Variants in ZNF557 observed in about 807,000 individuals in gnomAD.
ZNF557 encodes the protein zinc finger protein 557.
In ZNF557, 19 loss-of-function variants were observed where a neutral mutation model predicts 21.2. The observed-to-expected ratio is 0.90, with a 90% CI of 0.63 to 1.32. The LOEUF (loss-of-function observed/expected upper bound fraction) is 1.32, where lower values mean the gene tolerates loss of function less well. Ranked by LOEUF, ZNF557 falls within the 40% of genes most tolerant of loss-of-function variation. The pLI, the probability that ZNF557 is intolerant of heterozygous loss-of-function variation, is 0.00. For missense variants in ZNF557, 487 were observed against 519.8 expected (o/e 0.94, Z 0.61); for synonymous variants, 207 against 194.8 (o/e 1.06, Z -0.52).
chr19:7,069,748 G>A lies in ZNF557; in HGVS notation c.-197G>A, dbSNP rs1008912003. 4 of 152,272 alleles carry A rather than the reference G, an allele frequency of 2.6e-5. No homozygotes were observed. The highest frequency in any genetic ancestry group is 5.9e-5 in the Non-Finnish European group (4 of 68,056). 9.4% of individuals were successfully genotyped at this position (152,272 alleles called of 1,614,324 possible). On this transcript the variant is annotated 5_prime_UTR_variant, in exon 1 of 8. Transcript: ENST00000252840. ...CTTGCAGCGTCTGGGAGAATCTTTC[G>A]GTCTCCGCGAGAGGTGCTTCATTCC...
rs891600189 is a variant in ZNF557 at position 7,085,244 on chromosome 19, CTTA to C, written c.*1503_*1505del. On this transcript the variant is annotated 3_prime_UTR_variant, in exon 8 of 8. Coordinates refer to ENST00000252840, the MANE Select transcript of ZNF557 (RefSeq NM_024341.3). ...CTGTAGTGCAGTGGTGCAATCTTGG[CTTA>C]TTGTAACCTCTGCCTCCCAGGCTTA... is the stretch of plus-strand genomic sequence containing the variant. The C allele has an allele frequency of 3.9e-5, 6 of 152,138 alleles. No individual in the cohort carries two copies. Among genetic ancestry groups the C allele is most frequent in the African/African-American group, 1.4e-4 (6 of 41,408 alleles). The allele number at this position is 152,138 out of a possible 1,614,324, so 9.4% of individuals were successfully genotyped here.
At chr19:7,071,372 C>T (rs1413210074) in intron 2 of ZNF557, among the ~76,000 whole-genome samples, 2 of 152,164 alleles carry the variant, frequency 1.3e-5, no homozygotes, top group South Asian at 4.1e-4. Context: ...TTAAATTCAG[C>T]TTCTCAGTCG....
chr19:7,080,147 C>CA (rs1977669016), intron 5 of ZNF557, among the ~76,000 whole-genome samples: 1 of 151,972 alleles, frequency 6.6e-6, no homozygotes, highest in Non-Finnish European at 1.5e-5. Context: ...ACTAAAAATA[C>CA]AAAAAAATCA....
rs145577211 is a variant in ZNF557 at position 7,081,130 on chromosome 19, A to G, written c.248-230A>G. 4.2e-4 allele frequency among the ~76,000 whole-genome samples: 62 copies of G among 147,874 alleles called. 1 individual carries two copies. The East Asian group carries it at 9.3e-3, about 22-fold the overall frequency. ...TCCTGGGACCAGTTATCCTGCAACC[A>G]CCCTAGATATTGCTTGTGGGGTGTG... is the stretch of plus-strand genomic sequence containing the variant. On this transcript the variant is annotated intron_variant, in intron 5 of 7. Transcript: ENST00000252840.
In ZNF557 at chr19:7,083,874, C is replaced by A; in HGVS notation, c.*130C>A. 1.7e-6 allele frequency: 2 copies of A among 1,163,660 alleles called. No individual in the cohort carries two copies. Among genetic ancestry groups the A allele is most frequent in the Non-Finnish European group, 2.4e-6 (2 of 824,444 alleles). The allele number at this position is 1,163,660 out of a possible 1,614,324, so 72.1% of individuals were successfully genotyped here. A position where few individuals can be genotyped will look rare whatever the true frequency, so the allele number is the denominator to read the frequency against. ...CCCCCCAAAATTTTGTGGCTTCAAA[C>A]AAAAACACTTGTTATCTCAAAATTT... On this transcript the variant is annotated 3_prime_UTR_variant, in exon 8 of 8. Transcript: ENST00000252840.
At chr19:7,073,604 A>G (rs2967662) in intron 2 of ZNF557, among the ~76,000 whole-genome samples, 130,802 of 151,956 alleles carry the variant, frequency 0.86, 56,384 homozygotes, top group Middle Eastern at 0.89. Flanking sequence ...CTTGGCAGCT[A>G]TATTAACTGG....
At chr19:7,069,847 G>A (rs1410468160) in intron 1 of ZNF557, 74 bp downstream of exon 1, 1 of 152,298 alleles carries the variant, frequency 6.6e-6, no homozygotes, top group East Asian at 1.9e-4. Context: ...CCGCCCCTGA[G>A]GCCTCGGGCT....
rs769459680 is a variant in ZNF557, at chr19:7,081,490, A to G, written c.343+35A>G. 11 of 1,433,228 alleles carry G rather than the reference A, an allele frequency of 7.7e-6. 1 individual carries two copies. In the Admixed American group the frequency reaches 1.9e-4, roughly 25 times the overall value. The allele number at this position is 1,433,228 out of a possible 1,614,324, so 88.8% of individuals were successfully genotyped here. A position where few individuals can be genotyped will look rare whatever the true frequency, so the allele number is the denominator to read the frequency against. ...AGGTGGATATAAGTCCTTGTGAGGA[A>G]CAGCTCTGGCCAGGGACTGAGAAGT... On this transcript the variant is annotated intron_variant, in intron 6 of 7. Transcript: ENST00000252840.
intron 2 of ZNF557, among the ~76,000 whole-genome samples, chr19:7,072,009 G>A (rs1371871907): frequency 2.0e-5 from 3 of 151,040 alleles, no homozygotes; most frequent in African/African-American, 7.3e-5. Flanking sequence ...CCAGCTACTC[G>A]GGAGGCTGAG....
Position 7,083,844 on chromosome 19 carries a change from A to G in ZNF557, c.*100A>G, listed in dbSNP as rs1977777161. On this transcript the variant is annotated 3_prime_UTR_variant, in exon 8 of 8. Transcript: ENST00000252840. ...ATGAATCACCTGCTACTGTGTAACAAATTACCCCCCAAAATTTTGTGGCTT... is the reference window on the plus strand; with the variant it reads ...ATGAATCACCTGCTACTGTGTAACAGATTACCCCCCAAAATTTTGTGGCTT... 3.5e-6 allele frequency: 5 copies of G among 1,449,100 alleles called. No individual in the cohort carries two copies. Among genetic ancestry groups the G allele is most frequent in the Non-Finnish European group, 3.7e-6 (4 of 1,076,284 alleles). The allele number at this position is 1,449,100 out of a possible 1,614,324, so 89.8% of individuals were successfully genotyped here.
At chr19:7,079,488 C>T (rs1977657815) in intron 5 of ZNF557, among the ~76,000 whole-genome samples, 1 of 152,116 alleles carries the variant, frequency 6.6e-6, no homozygotes, top group Non-Finnish European at 1.5e-5. Context: ...GATCCGCCCA[C>T]CTTGGCCTCC....
chr19:7,081,574 TCCCAAGAAGGCCAAGAACG>T, intron 6 of ZNF557, 119 bp downstream of exon 6: 1 of 716,250 alleles, frequency 1.4e-6, no homozygotes, highest in Non-Finnish European at 2.3e-6. Flanking sequence ...ATGCCCCTTT[TCCCAAGAAGGCCAAGAACG>T]TTTGGTCTGA....
rs1977759940 is a variant in ZNF557 at position 7,083,315 on chromosome 19, G to A, written c.864G>A (p.Gly288=). Residue 288 remains glycine (G), a synonymous_variant, in exon 8 of 8, where the codon GGG becomes GGA. Coordinates refer to ENST00000252840, the MANE Select transcript of ZNF557 (RefSeq NM_024341.3). ...CAAGGCACAAGAGAGTTCATACGGG[G>A]GAGGGTCATTATGTATGTAATCAGT... The part of the protein sequence containing the change: ...IFTRHKRVHT[G]EGHYVCNQCG... 15 of 1,614,082 alleles carry A rather than the reference G, an allele frequency of 9.3e-6. No homozygotes were observed. The highest frequency in any genetic ancestry group is 4.0e-5 in the African/African-American group (3 of 74,924).
At chr19:7,073,414 C>T (rs112332133) in intron 2 of ZNF557, among the ~76,000 whole-genome samples, 18,192 of 152,138 alleles carry the variant, frequency 0.12, 1,251 homozygotes, top group Non-Finnish European at 0.16. Context: ...CCTCGGCCTC[C>T]CAAAGTGCTG....
chr19:7,081,184 TGTGTGTGTGTGTGTGTGA>T (rs1358339668), intron 5 of ZNF557, among the ~76,000 whole-genome samples, 158 bp from the exon 6 acceptor site: 617 of 51,764 alleles, frequency 0.012, 8 homozygotes, highest in African/African-American at 0.028. Context: ...TGTGTGTGTG[TGTGTGTGTGTGTGTGTGA>T]GTGTTTAAGA....
intron 2 of ZNF557, among the ~76,000 whole-genome samples, chr19:7,074,257 C>T (rs1246500271): frequency 1.3e-5 from 2 of 151,738 alleles, no homozygotes; most frequent in African/African-American, 4.8e-5. Context: ...CCGCCCGCCT[C>T]GGCCTCCCAA....
Position 7,087,684 on chromosome 19 carries a change from AAG to A in ZNF557, c.*3957_*3958del, listed in dbSNP as rs372021312. On this transcript the variant is annotated 3_prime_UTR_variant, in exon 8 of 8. Coordinates refer to ENST00000252840, the MANE Select transcript of ZNF557 (RefSeq NM_024341.3). The stretch of plus-strand genomic sequence containing the variant: ...AGTAACCACTAATTGGTTAAAACCA[AAG>A]AGAGAGAGAGAGAGAGTGTGTGTGT... The A allele has an allele frequency of 8.1e-4, 121 of 149,562 alleles. No homozygotes were observed. The highest frequency in any genetic ancestry group is 9.8e-4 in the Non-Finnish European group (66 of 67,220). The allele number at this position is 149,562 out of a possible 1,614,324, so 9.3% of individuals were successfully genotyped here.
At position 7,081,955 on chromosome 19, in the gene ZNF557, T is replaced by C. The variant is rs753134771; in HGVS notation, c.344-15T>C. 51 of 1,605,910 alleles carry C rather than the reference T, an allele frequency of 3.2e-5. No homozygotes were observed. The East Asian group carries it at 1.1e-3, about 36-fold the overall frequency. On this transcript the variant is annotated splice_polypyrimidine_tract_variant and intron_variant, in intron 6 of 7. Coordinates refer to ENST00000252840, the MANE Select transcript of ZNF557 (RefSeq NM_024341.3). Reference sequence around the variant, plus strand: ...TCTTTTCTATCAACTTAAATTTCTTTTTAACTTGTTTCAGATGTGGAGAAT... The same window carrying C: ...TCTTTTCTATCAACTTAAATTTCTTCTTAACTTGTTTCAGATGTGGAGAAT...
chr19:7,072,613 C>A (rs1392818243), intron 2 of ZNF557, among the ~76,000 whole-genome samples: 1 of 152,184 alleles, frequency 6.6e-6, no homozygotes, highest in Non-Finnish European at 1.5e-5. Flanking sequence ...GCTTCCTAAG[C>A]AGCTTGCTTT....
Sources: allele counts gnomAD v4.1 joint callset (sites outside exome capture counted in the v4.1 genomes callset), GRCh38; gene constraint gnomAD v4.1.1; transcripts MANE v1.5; gene names NCBI Gene and HGNC (gene_info 2026-07-23, HGNC 2026-07-21).